The following EDA variants were observed in gnomAD, a reference collection of about 807,000 sequenced individuals.
The protein encoded by EDA is ectodysplasin-A.
Under a neutral mutation model 23.6 loss-of-function variants are expected in EDA, and 2 were observed. That is an observed-to-expected ratio of 0.08 (90% CI 0.03 to 0.27). The LOEUF (loss-of-function observed/expected upper bound fraction) is 0.27, where lower values mean the gene tolerates loss of function less well. EDA is among the 10% of genes least tolerant of loss of function. The pLI is 1.00. For missense variants in EDA, 229 were observed against 324.2 expected (o/e 0.71, Z 2.26); for synonymous variants, 131 against 132.0 (o/e 0.99, Z 0.05).
intron 1 of EDA, among the ~76,000 whole-genome samples, chrX:69,950,916 G>T (rs1235889002): frequency 6.0e-5 from 5 of 83,279 alleles, no homozygotes; most frequent in Non-Finnish European, 1.1e-4. Flanking sequence ...ACAGGAAGGG[G>T]AACATCACAC....
intron 2 of EDA, among the ~76,000 whole-genome samples, chrX:69,966,876 TATG>T (rs1214003096): frequency 1.8e-5 from 2 of 109,770 alleles, no homozygotes; most frequent in Admixed American, 9.9e-5. Flanking sequence ...ATGTGTATAA[TATG>T]ATCCCATTTT....
chrX:69,659,723 T>C (rs1284535933), intron 1 of EDA, among the ~76,000 whole-genome samples: 9 of 111,647 alleles, frequency 8.1e-5, no homozygotes, highest in Non-Finnish European at 1.5e-4. Flanking sequence ...AATTCTTTCT[T>C]TTTGCTATCT....
intron 2 of EDA, among the ~76,000 whole-genome samples, chrX:69,990,426 T>C (rs1199957892): frequency 9.0e-6 from 1 of 110,566 alleles, no homozygotes; most frequent in East Asian, 2.8e-4. Flanking sequence ...ATCTACTGAT[T>C]GATAGCTATC....
At chrX:69,749,925 T>C (rs1333430276) in intron 1 of EDA, among the ~76,000 whole-genome samples, 4 of 55,010 alleles carry the variant, frequency 7.3e-5, no homozygotes, top group Admixed American at 1.8e-4. Context: ...TAAGGTTCTT[T>C]TTTTTTTTTT....
At chrX:69,731,263 G>A (rs1441341499) in intron 1 of EDA, among the ~76,000 whole-genome samples, 1 of 110,704 alleles carries the variant, frequency 9.0e-6, no homozygotes, top group Non-Finnish European at 1.9e-5. Flanking sequence ...GGTCTGTGTG[G>A]TTAAAGGCTT....
chrX:69,823,017 G>A (rs1412495766), intron 1 of EDA, among the ~76,000 whole-genome samples: 2 of 99,742 alleles, frequency 2.0e-5, no homozygotes, highest in Non-Finnish European at 4.0e-5. Context: ...CCCTACAAAG[G>A]ACATGAACTC....
chrX:69,763,504 T>C (rs1024231110), intron 1 of EDA, among the ~76,000 whole-genome samples: 2 of 112,093 alleles, frequency 1.8e-5, no homozygotes, highest in African/African-American at 6.5e-5. Context: ...AGTATCTAGA[T>C]TGAATGGTAA....
At chrX:69,764,741 A>G (rs893898308) in intron 1 of EDA, among the ~76,000 whole-genome samples, 1 of 111,070 alleles carries the variant, frequency 9.0e-6, no homozygotes, top group East Asian at 2.8e-4. Context: ...CTCCTTTACC[A>G]TATTTGTACA....
intron 1 of EDA, among the ~76,000 whole-genome samples, chrX:69,800,122 A>T (rs1303614299): frequency 2.7e-5 from 3 of 111,895 alleles, no homozygotes; most frequent in Non-Finnish European, 5.6e-5. Flanking sequence ...ACACAGAAAG[A>T]CAAATACTGC....
rs558552131 is a variant in EDA, at chrX:69,829,351, A to G, written c.397-127676A>G. 2.7e-5 allele frequency among the ~76,000 whole-genome samples: 3 copies of G among 112,084 alleles called. No individual in the cohort carries two copies. The Admixed American group carries it at 2.8e-4, about 11-fold the overall frequency. On this transcript the variant is annotated intron_variant, in intron 1 of 7. Coordinates refer to ENST00000374552, the MANE Select transcript of EDA (RefSeq NM_001399.5). Reference sequence around the variant, plus strand: ...ATTTTGCACTTCCCCACCACCTCATATCAGGTATTTGGATGTCCAAGGTTG... The same window carrying G: ...ATTTTGCACTTCCCCACCACCTCATGTCAGGTATTTGGATGTCCAAGGTTG...
intron 1 of EDA, among the ~76,000 whole-genome samples, chrX:69,894,399 G>T (rs992337003): frequency 1.1e-4 from 12 of 111,307 alleles, no homozygotes; most frequent in African/African-American, 3.9e-4. Context: ...GCTCCTTTTT[G>T]GTTCCAAACG....
chrX:70,029,048 G>T (rs1242354369), intron 4 of EDA, among the ~76,000 whole-genome samples: 1 of 112,666 alleles, frequency 8.9e-6, no homozygotes, highest in Non-Finnish European at 1.9e-5. Flanking sequence ...GAGATATATT[G>T]ATACATGGTC....
intron 1 of EDA, among the ~76,000 whole-genome samples, chrX:69,636,967 A>G (rs1932784388): frequency 1.8e-5 from 2 of 110,671 alleles, no homozygotes; most frequent in African/African-American, 3.3e-5. Context: ...TTCAACCGCA[A>G]TTTTTTTAGC....
At chrX:69,849,932 G>T (rs751712324) in intron 1 of EDA, among the ~76,000 whole-genome samples, 1 of 111,654 alleles carries the variant, frequency 9.0e-6, no homozygotes, top group African/African-American at 3.3e-5. Flanking sequence ...TACAAAGGCA[G>T]ATGTATTGGG....
chrX:69,631,475 A>G (rs749408591), intron 1 of EDA, among the ~76,000 whole-genome samples: 5 of 108,966 alleles, frequency 4.6e-5, no homozygotes, highest in Non-Finnish European at 9.5e-5. Flanking sequence ...TAATGAATAT[A>G]GTCCAGATGC....
chrX:69,967,440 G>A (rs1041604797), intron 2 of EDA, among the ~76,000 whole-genome samples: 1 of 111,517 alleles, frequency 9.0e-6, no homozygotes, highest in African/African-American at 3.3e-5. Context: ...TGTGGTTTTG[G>A]ACAGGTTGAG....
At chrX:69,793,567 TTTG>T (rs2015464526) in intron 1 of EDA, among the ~76,000 whole-genome samples, 1 of 71,578 alleles carries the variant, frequency 1.4e-5, no homozygotes, top group African/African-American at 6.7e-5. Context: ...TTTGTTTGTT[TTTG>T]TTTTTTTTTT....
chrX:69,777,048 T>A (rs2014806171), intron 1 of EDA, among the ~76,000 whole-genome samples: 1 of 111,436 alleles, frequency 9.0e-6, no homozygotes, highest in African/African-American at 3.3e-5. Context: ...CAAAAAAAAA[T>A]AAATACTTTT....
rs183227745 is a variant in EDA at position 69,851,706 on chromosome X, A to G, written c.397-105321A>G. 1.3e-3 allele frequency among the ~76,000 whole-genome samples: 145 copies of G among 111,941 alleles called. 1 individual carries two copies. The highest frequency in any genetic ancestry group is 4.5e-3 in the African/African-American group (140 of 30,868). ...CCAAGAACTTTTATTTCTCCCTTTT[A>G]TACAACTGGAAATGAAGGCAGAGAA... On this transcript the variant is annotated intron_variant, in intron 1 of 7. Transcript: ENST00000374552.
Sources: gnomAD v4.1 joint callset for allele counts (sites outside exome capture counted in the v4.1 genomes callset) on GRCh38, gnomAD v4.1.1 for gene constraint, MANE v1.5 for transcripts, NCBI Gene and HGNC (gene_info 2026-07-23, HGNC 2026-07-21) for gene names.